HES7: variants seen among roughly 807,000 people sequenced by gnomAD.
HES7 encodes the protein hes family bHLH transcription factor 7, also known as transcription factor HES-7.
Under a neutral mutation model 18.0 loss-of-function variants are expected in HES7, and 8 were observed. That is an observed-to-expected ratio of 0.45 (90% CI 0.26 to 0.80). HES7 has a LOEUF of 0.80. Among genes scored for constraint, HES7 ranks in the 30% least tolerant of loss-of-function variants. HES7 has a pLI of 0.18. For missense variants in HES7, 356 were observed against 340.9 expected (o/e 1.04, Z -0.35); for synonymous variants, 170 against 158.6 (o/e 1.07, Z -0.54).
chr17:8,124,608 C>T (rs891272864), upstream of HES7, among the ~76,000 whole-genome samples: 1 of 152,200 alleles, frequency 6.6e-6, no homozygotes, highest in African/African-American at 2.4e-5. Context: ...TGGAGAGGCG[C>T]TCTCTTCTAT....
upstream of HES7, among the ~76,000 whole-genome samples, chr17:8,125,119 G>A (rs1220441059): frequency 1.3e-5 from 2 of 152,160 alleles, no homozygotes; most frequent in Admixed American, 1.3e-4. Context: ...TCCGCAGAAC[G>A]ATGCCTGACC....
At chr17:8,125,745 C>G (rs369414184), upstream of HES7, among the ~76,000 whole-genome samples, 2 of 152,190 alleles carry the variant, frequency 1.3e-5, no homozygotes, top group Non-Finnish European at 2.9e-5. Context: ...CTTTAAGCCG[C>G]GCATTGGTGG....
chr17:8,122,700 A>C lies in HES7; in HGVS notation c.139-270T>G, dbSNP rs1981421384. Among the ~76,000 whole-genome samples, 1 of 152,150 alleles carries C rather than the reference A, an allele frequency of 6.6e-6. No homozygotes were observed. The highest frequency in any genetic ancestry group is 2.1e-4 in the South Asian group (1 of 4,822). ...TTGAAACCGCAACCCAGGGAATGAAATTAACCACCCGACATAACAGAGGCT... is the reference window on the plus strand; with the variant it reads ...TTGAAACCGCAACCCAGGGAATGAACTTAACCACCCGACATAACAGAGGCT... On this transcript the variant is annotated intron_variant, in intron 2 of 3. Transcript: ENST00000541682. This position sits in a 1 kb window ranked among gnomAD's most constrained non-coding sequence, Gnocchi z 6.9.
chr17:8,125,955 C>T (rs913546152), upstream of HES7, among the ~76,000 whole-genome samples: 1 of 152,240 alleles, frequency 6.6e-6, no homozygotes, highest in African/African-American at 2.4e-5. Flanking sequence ...AGCCCCAGGC[C>T]TAAACGATTC....
At position 8,123,526 on chromosome 17, in the gene HES7, A is replaced by C; in HGVS notation, c.43-400T>G. The C allele has an allele frequency of 3.2e-6, 1 of 312,018 alleles. No individual in the cohort carries two copies. The highest frequency in any genetic ancestry group is 2.1e-5 in the African/African-American group (1 of 46,558). 19.3% of individuals were successfully genotyped at this position (312,018 alleles called of 1,614,324 possible). A position where few individuals can be genotyped will look rare whatever the true frequency, so the allele number is the denominator to read the frequency against. ...CGGCCCTGAGTATAGAAAGGGAGAT[A>C]CCTAGCGCGACCGCGCCGCCTCTTT... On this transcript the variant is annotated intron_variant, in intron 1 of 3. Transcript: ENST00000541682. The surrounding 1 kb of genome is among the most constrained non-coding windows in gnomAD (Gnocchi z 5.9).
At position 8,122,049 on chromosome 17, in the gene HES7, G is replaced by C. The variant is rs776630484; in HGVS notation, c.227-12C>G. ...TGGAGCCGCGGCGGCTGGTGCGGCC[G>C]GCGGGAGCACAGGTGGGCAGGGCAG... On this transcript the variant is annotated splice_polypyrimidine_tract_variant and intron_variant, in intron 3 of 3. Transcript: ENST00000541682. The surrounding 1 kb of genome is among the most constrained non-coding windows in gnomAD (Gnocchi z 6.9). 4.7e-6 allele frequency: 7 copies of C among 1,496,580 alleles called. No homozygotes were observed. In the South Asian group the frequency reaches 6.3e-5, roughly 13 times the overall value. The allele number at this position is 1,496,580 out of a possible 1,614,324, so 92.7% of individuals were successfully genotyped here. A position where few individuals can be genotyped will look rare whatever the true frequency, so the allele number is the denominator to read the frequency against.
Position 8,121,620 on chromosome 17 carries a change from G to A in HES7, c.644C>T (p.Pro215Leu). 1 of 1,313,564 alleles carries A rather than the reference G, an allele frequency of 7.6e-7. No homozygotes were observed. The highest frequency in any genetic ancestry group is 9.6e-7 in the Non-Finnish European group (1 of 1,038,638). The allele number at this position is 1,313,564 out of a possible 1,614,324, so 81.4% of individuals were successfully genotyped here. ...GGGCGGCGGGGGCAGCGGGGCCTTG[G>A]GCGCCCCGTCTTGTCTGTGAGGCGG... ...PPPPHRQDGA[P>L]KAPLPPPPAF... Residue 215 changes from proline to leucine, a missense_variant, in exon 4 of 4, where the codon CCC becomes CTC. Pro to Leu is a moderately conservative substitution (Grantham distance 98, BLOSUM62 -3). Coordinates refer to ENST00000541682, the MANE Select transcript of HES7 (RefSeq NM_001165967.2).
chr17:8,122,349 G>T lies in HES7; in HGVS notation c.220C>A (p.Pro74Thr), dbSNP rs1157488428. The T allele has an allele frequency of 1.1e-5, 17 of 1,590,054 alleles. No homozygotes were observed. In the East Asian group the frequency reaches 3.7e-4, roughly 34 times the overall value. The change falls in exon 3 of 4, where the codon CCC (proline) becomes ACC (threonine). Residue 74 changes from proline (P) to threonine (T), a missense_variant. Pro to Thr is a conservative substitution (Grantham distance 38). Transcript: ENST00000541682. This position sits in a 1 kb window ranked among gnomAD's most constrained non-coding sequence, Gnocchi z 6.9. ...CCCCACCCCCGCGCTGTACCCGGGG[G>T]CTCCACCCGGCTTCGCTCCCTCAAG... ...GYLRERSRVE[P>T]PAAAAPGVPR...
rs1981332216 is a variant in HES7 at position 8,121,677 on chromosome 17, G to GCCGGCGCGCCAGAATCC, written c.570_586dup (p.Ala196GlyfsTer184). On this transcript the variant is annotated frameshift_variant, in exon 4 of 4. Coordinates refer to ENST00000541682, the MANE Select transcript of HES7 (RefSeq NM_001165967.2). LOFTEE classifies it high-confidence loss of function. ...CGGCGGCAGCAGTCCGGTGAGGGGC[G>GCCGGCGCGCCAGAATCC]CCGGCGCGCCAGAATCCCCGGCGCG... 7.5e-7 allele frequency: 1 copy of GCCGGCGCGCCAGAATCC among 1,325,942 alleles called. No homozygotes were observed. Among genetic ancestry groups the GCCGGCGCGCCAGAATCC allele is most frequent in the Non-Finnish European group, 9.6e-7 (1 of 1,044,462 alleles). The allele number at this position is 1,325,942 out of a possible 1,614,324, so 82.1% of individuals were successfully genotyped here. A position where few individuals can be genotyped will look rare whatever the true frequency, so the allele number is the denominator to read the frequency against.
At chr17:8,124,133 T>C (rs764372854), upstream of HES7, 1 of 1,612,508 alleles carries the variant, frequency 6.2e-7, no homozygotes, top group Non-Finnish European at 8.5e-7. Context: ...CCTGGAGCCT[T>C]ATATTCCGCG....
At position 8,122,316 on chromosome 17, in the gene HES7, C is replaced by T; in HGVS notation, c.226+27G>A. 1.3e-6 allele frequency: 2 copies of T among 1,529,184 alleles called. No homozygotes were observed. The highest frequency in any genetic ancestry group is 8.9e-7 in the Non-Finnish European group (1 of 1,124,470). The allele number at this position is 1,529,184 out of a possible 1,614,324, so 94.7% of individuals were successfully genotyped here. A position where few individuals can be genotyped will look rare whatever the true frequency, so the allele number is the denominator to read the frequency against. ...GCCTCCTGGCGTCCCCCCTCCCTCC[C>T]TCCGCTGCCCCACCCCCGCGCTGTA... On this transcript the variant is annotated intron_variant, in intron 3 of 3. Coordinates refer to ENST00000541682, the MANE Select transcript of HES7 (RefSeq NM_001165967.2). This position sits in a 1 kb window ranked among gnomAD's most constrained non-coding sequence, Gnocchi z 6.9.
chr17:8,126,555 C>A (rs937346409), upstream of HES7, among the ~76,000 whole-genome samples: 2 of 152,238 alleles, frequency 1.3e-5, no homozygotes, highest in African/African-American at 4.8e-5. Context: ...CCTTCCCGGC[C>A]GCTTTGATCC....
In HES7 at chr17:8,124,076, G is replaced by A. The variant is rs764426140; in HGVS notation, c.9C>T (p.Thr3=). The A allele has an allele frequency of 3.7e-6, 6 of 1,614,018 alleles. No homozygotes were observed. In the East Asian group the frequency reaches 1.1e-4, roughly 30 times the overall value. ...CGTCCCTATTCTCAGCTCGATCCCG[G>A]GTGACCATTGCTCCTCCGGACCCTG... MV[T]RDRAENRDGP... is the part of the protein sequence containing the mutation. Residue 3 remains threonine (T), a synonymous_variant, in exon 1 of 4, where the codon ACC becomes ACT. Coordinates refer to ENST00000541682, the MANE Select transcript of HES7 (RefSeq NM_001165967.2).
At position 8,120,951 on chromosome 17, in the gene HES7, T is replaced by C. The variant is rs917335917; in HGVS notation, c.*620A>G. 2.0e-5 allele frequency: 3 copies of C among 152,714 alleles called. No individual in the cohort carries two copies. Among genetic ancestry groups the C allele is most frequent in the Non-Finnish European group, 4.4e-5 (3 of 68,066 alleles). 9.5% of individuals were successfully genotyped at this position (152,714 alleles called of 1,614,324 possible). ...GCTCTGTGGCGCAATGGATAGCGCA[T>C]TGGACTTCTAGTGACGAATAGAGCA... On this transcript the variant is annotated 3_prime_UTR_variant, in exon 4 of 4. Transcript: ENST00000541682.
At position 8,122,507 on chromosome 17, in the gene HES7, G is replaced by A. The variant is rs1981411266; in HGVS notation, c.139-77C>T. 5.8e-6 allele frequency: 6 copies of A among 1,035,566 alleles called. No individual in the cohort carries two copies. The highest frequency in any genetic ancestry group is 5.9e-6 in the Non-Finnish European group (4 of 682,558). The allele number at this position is 1,035,566 out of a possible 1,614,324, so 64.1% of individuals were successfully genotyped here. On this transcript the variant is annotated intron_variant, in intron 2 of 3. Coordinates refer to ENST00000541682, the MANE Select transcript of HES7 (RefSeq NM_001165967.2). The surrounding 1 kb of genome is among the most constrained non-coding windows in gnomAD (Gnocchi z 6.9). ...GGAAAGTGGCAGGGGGAAGAAGGGA[G>A]GGACGGATGCGGGAGCTGGTGGTGC...
chr17:8,122,931 G>A lies in HES7; in HGVS notation c.138+100C>T, dbSNP rs1371917513. The A allele has an allele frequency of 7.6e-6, 7 of 920,608 alleles. No homozygotes were observed. In the East Asian group the frequency reaches 1.3e-4, roughly 17 times the overall value. The allele number at this position is 920,608 out of a possible 1,614,324, so 57.0% of individuals were successfully genotyped here. ...CGGGACTCGGGTGAGGATGCCTTGGGGCCAGGGTTGCCAACCAAGCTTGTG... is the reference window on the plus strand; with the variant it reads ...CGGGACTCGGGTGAGGATGCCTTGGAGCCAGGGTTGCCAACCAAGCTTGTG... On this transcript the variant is annotated intron_variant, in intron 2 of 3. Coordinates refer to ENST00000541682, the MANE Select transcript of HES7 (RefSeq NM_001165967.2). This position sits in a 1 kb window ranked among gnomAD's most constrained non-coding sequence, Gnocchi z 6.9.
Position 8,122,238 on chromosome 17 carries a change from A to G in HES7, c.226+105T>C, listed in dbSNP as rs1981388026. Reference sequence around the variant, plus strand: ...ACCTCGCCTCGGAGCAGAACCGGCCACTCCCCAAGCCCACCATCCACCGCA... The same window carrying G: ...ACCTCGCCTCGGAGCAGAACCGGCCGCTCCCCAAGCCCACCATCCACCGCA... On this transcript the variant is annotated intron_variant, in intron 3 of 3. Transcript: ENST00000541682. The surrounding 1 kb of genome is among the most constrained non-coding windows in gnomAD (Gnocchi z 6.9). 2.5e-5 allele frequency: 27 copies of G among 1,075,810 alleles called. No individual in the cohort carries two copies. Among genetic ancestry groups the G allele is most frequent in the Non-Finnish European group, 3.4e-5 (25 of 727,492 alleles). The allele number at this position is 1,075,810 out of a possible 1,614,324, so 66.6% of individuals were successfully genotyped here. A position where few individuals can be genotyped will look rare whatever the true frequency, so the allele number is the denominator to read the frequency against.
upstream of HES7, among the ~76,000 whole-genome samples, chr17:8,124,355 C>A (rs1358261185): frequency 1.3e-5 from 2 of 152,106 alleles, no homozygotes; most frequent in African/African-American, 4.8e-5. Flanking sequence ...CGGGACCCAG[C>A]TGAAAGGAGG....
rs1195082561 is a variant in HES7 at position 8,120,961 on chromosome 17, A to AG, written c.*609dup. The AG allele has an allele frequency of 2.0e-5, 3 of 152,684 alleles. No homozygotes were observed. Among genetic ancestry groups the AG allele is most frequent in the African/African-American group, 7.2e-5 (3 of 41,452 alleles). 9.5% of individuals were successfully genotyped at this position (152,684 alleles called of 1,614,324 possible). A position where few individuals can be genotyped will look rare whatever the true frequency, so the allele number is the denominator to read the frequency against. On this transcript the variant is annotated 3_prime_UTR_variant, in exon 4 of 4. Transcript: ENST00000541682. ...GCAATGGATAGCGCATTGGACTTCTAGTGACGAATAGAGCAATTCAAAGGT... is the reference window on the plus strand; with the variant it reads ...GCAATGGATAGCGCATTGGACTTCTAGGTGACGAATAGAGCAATTCAAAGGT...
Sources: gnomAD v4.1 joint callset for allele counts (sites outside exome capture counted in the v4.1 genomes callset) on GRCh38, gnomAD v4.1.1 for gene constraint, Gnocchi (gnomAD v3.1) non-coding constraint, MANE v1.5 for transcripts, NCBI Gene and HGNC (gene_info 2026-07-23, HGNC 2026-07-21) for gene names.